DNM2: variants seen among roughly 807,000 people sequenced by gnomAD.
DNM2 encodes dynamin 2.
In DNM2, 15 loss-of-function variants were observed where a neutral mutation model predicts 99.0. The observed-to-expected ratio is 0.15, with a 90% CI of 0.10 to 0.23. DNM2 has a LOEUF of 0.23. Ranked by LOEUF, DNM2 falls within the 10% of genes least tolerant of loss-of-function variation. The pLI, the probability that DNM2 is intolerant of heterozygous loss-of-function variation, is 1.00. For missense variants in DNM2, 742 were observed against 1,189.4 expected (o/e 0.62, Z 5.53); for synonymous variants, 525 against 481.2 (o/e 1.09, Z -1.19).
chr19:10,760,370 C>T (rs570868680), intron 2 of DNM2, among the ~76,000 whole-genome samples: 49 of 152,074 alleles, frequency 3.2e-4, no homozygotes, highest in Middle Eastern at 3.4e-3. Flanking sequence ...TTATAGATAA[C>T]CCGATTTTGC....
chr19:10,782,288 C>T (rs1349047031), intron 5 of DNM2, among the ~76,000 whole-genome samples: 3 of 152,138 alleles, frequency 2.0e-5, no homozygotes, highest in Non-Finnish European at 4.4e-5. Flanking sequence ...CCCGCCTCGG[C>T]CTCCCAAAGT....
At chr19:10,727,754 C>T (rs1318789024) in intron 1 of DNM2, among the ~76,000 whole-genome samples, 1 of 152,082 alleles carries the variant, frequency 6.6e-6, no homozygotes, top group Non-Finnish European at 1.5e-5. Flanking sequence ...TCGCTCTCAG[C>T]GTTTATATTT....
Position 10,776,012 on chromosome 19 carries a change from G to A in DNM2, c.589+106G>A, listed in dbSNP as rs571536732. 1.9e-5 allele frequency: 27 copies of A among 1,417,434 alleles called. No homozygotes were observed. In the African/African-American group the frequency reaches 2.3e-4, roughly 12 times the overall value. The allele number at this position is 1,417,434 out of a possible 1,614,324, so 87.8% of individuals were successfully genotyped here. A position where few individuals can be genotyped will look rare whatever the true frequency, so the allele number is the denominator to read the frequency against. ...CTGGCGTTCTCTTTAATCCATGGCC[G>A]CTGTAGGAAAAGGCCTCCTGGAACA... On this transcript the variant is annotated intron_variant, in intron 4 of 20. Coordinates refer to ENST00000389253, the MANE Select transcript of DNM2 (RefSeq NM_001005361.3).
chr19:10,740,943 T>C (rs2069722666), intron 1 of DNM2, among the ~76,000 whole-genome samples: 1 of 152,232 alleles, frequency 6.6e-6, no homozygotes, highest in Admixed American at 6.6e-5. Context: ...CTACTTTGTA[T>C]GATTTCAATC....
At chr19:10,825,533 G>A (rs2073114985) in intron 18 of DNM2, among the ~76,000 whole-genome samples, 1 of 152,316 alleles carries the variant, frequency 6.6e-6, no homozygotes, top group East Asian at 1.9e-4. Context: ...GCCGGGCACG[G>A]TAGCTCACGC....
chr19:10,755,600 A>G (rs1013399726), intron 1 of DNM2: 1 of 149,148 alleles, frequency 6.7e-6, no homozygotes, highest in Non-Finnish European at 1.5e-5. Context: ...GGTTGCGATT[A>G]CAGGTGTCCA....
At chr19:10,750,999 G>A (rs567263370) in intron 1 of DNM2, among the ~76,000 whole-genome samples, 1 of 151,680 alleles carries the variant, frequency 6.6e-6, no homozygotes, top group African/African-American at 2.4e-5. Flanking sequence ...TCCCACCTTG[G>A]GGAGCTGTGT....
chr19:10,778,019 T>TTTTATTTATTTATTTA (rs5827114), intron 5 of DNM2, among the ~76,000 whole-genome samples: 4 of 138,174 alleles, frequency 2.9e-5, no homozygotes, highest in Non-Finnish European at 4.6e-5. Flanking sequence ...TATTTTTTCA[T>TTTTATTTATTTATTTA]TTTATTTATT....
intron 3 of DNM2, among the ~76,000 whole-genome samples, chr19:10,773,114 G>A (rs567139867): frequency 3.6e-4 from 54 of 151,118 alleles, no homozygotes; most frequent in African/African-American, 1.3e-3. Context: ...CAAGTAGCTG[G>A]GATTACAGGC....
rs886054145 is a variant in DNM2 at position 10,831,213 on chromosome 19, G to A, written c.*166G>A. 3.6e-6 allele frequency: 5 copies of A among 1,393,370 alleles called. No homozygotes were observed. The highest frequency in any genetic ancestry group is 4.6e-6 in the Non-Finnish European group (5 of 1,078,044). 86.3% of individuals were successfully genotyped at this position (1,393,370 alleles called of 1,614,324 possible). On this transcript the variant is annotated 3_prime_UTR_variant, in exon 21 of 21. Transcript: ENST00000389253. This position sits in a 1 kb window ranked among gnomAD's most constrained non-coding sequence, Gnocchi z 4.3. ...GGTCCAGGGCCGGCCCCTGTGCCTGGCTGGACACCGCACTGCGCAAAGGGG... is the reference window on the plus strand; with the variant it reads ...GGTCCAGGGCCGGCCCCTGTGCCTGACTGGACACCGCACTGCGCAAAGGGG...
chr19:10,821,421 C>T (rs1336164900), intron 16 of DNM2, among the ~76,000 whole-genome samples: 2 of 152,054 alleles, frequency 1.3e-5, no homozygotes, highest in African/African-American at 4.8e-5. Flanking sequence ...TTTAGTATCC[C>T]GGGCAAAGTG....
chr19:10,751,229 C>T (rs570029670), intron 1 of DNM2, among the ~76,000 whole-genome samples: 33 of 152,104 alleles, frequency 2.2e-4, no homozygotes, highest in East Asian at 5.8e-4. Context: ...GTCTTACTGA[C>T]GGGAAACCTA....
At chr19:10,821,549 T>TTC (rs397767998) in intron 16 of DNM2, among the ~76,000 whole-genome samples, 7 of 151,836 alleles carry the variant, frequency 4.6e-5, no homozygotes, top group African/African-American at 1.7e-4. Context: ...ACTTTTTTTT[T>TTC]AAACGGAGTT....
chr19:10,758,371 CTCCTTCCCTCCCTCCTTCCTTCCCTCCT>C (rs2070482863), intron 1 of DNM2, among the ~76,000 whole-genome samples: 3 of 90,548 alleles, frequency 3.3e-5, no homozygotes, highest in African/African-American at 1.5e-4. Context: ...CCTTCCCTCC[CTCCTTCCCTCCCTCCTTCCTTCCCTCCT>C]TCCTTCCCTC....
rs549568315 is a variant in DNM2, at chr19:10,761,738, C to T, written c.235+1927C>T. On this transcript the variant is annotated intron_variant, in intron 2 of 20. Transcript: ENST00000389253. ...TGCATCCAGGCAGATCTGACCTCAA[C>T]GCCAGCTCTCAGCTTGGCCTCCCAA... is the stretch of plus-strand genomic sequence containing the variant. 3.3e-3 allele frequency among the ~76,000 whole-genome samples: 498 copies of T among 152,300 alleles called. 1 individual carries two copies. The highest frequency in any genetic ancestry group is 0.011 in the African/African-American group (474 of 41,582).
chr19:10,739,452 T>C (rs1394262081), intron 1 of DNM2, among the ~76,000 whole-genome samples: 1 of 152,194 alleles, frequency 6.6e-6, no homozygotes, highest in East Asian at 1.9e-4. Flanking sequence ...GCCACTAATG[T>C]CCTTTCTGTC....
intron 1 of DNM2, among the ~76,000 whole-genome samples, chr19:10,724,619 G>T (rs1217150087): frequency 6.6e-6 from 1 of 152,164 alleles, no homozygotes; most frequent in Non-Finnish European, 1.5e-5. Context: ...AGTTTAGCAG[G>T]CCAGTGGAGG....
At chr19:10,798,697 G>A (rs1260515033) in intron 11 of DNM2, 125 bp downstream of exon 11, 9 of 947,664 alleles carry the variant, frequency 9.5e-6, no homozygotes, top group Admixed American at 4.0e-5. Context: ...GATACAGAGC[G>A]GTTCCGTCAC....
At position 10,796,008 on chromosome 19, in the gene DNM2, G is replaced by GCT. The variant is rs2071918342; in HGVS notation, c.1196+570_1196+571dup. ...CAGGGCCAATGAAATTGCTGACCAT[G>GCT]CTTTGTTTCTCTCTGACTTATCTCC... On this transcript the variant is annotated intron_variant, in intron 9 of 20. Transcript: ENST00000389253. This position sits in a 1 kb window ranked among gnomAD's most constrained non-coding sequence, Gnocchi z 5.6. 1 of 1,611,378 alleles carries GCT rather than the reference G, an allele frequency of 6.2e-7. No individual in the cohort carries two copies. The highest frequency in any genetic ancestry group is 1.3e-5 in the African/African-American group (1 of 74,988).
Sources: gnomAD v4.1 joint callset for allele counts (sites outside exome capture counted in the v4.1 genomes callset) on GRCh38, gnomAD v4.1.1 for gene constraint, Gnocchi (gnomAD v3.1) non-coding constraint, MANE v1.5 for transcripts, NCBI Gene and HGNC (gene_info 2026-07-23, HGNC 2026-07-21) for gene names.